The following ZNF221 variants were observed in gnomAD, a reference collection of about 807,000 sequenced individuals.
The protein encoded by ZNF221 is zinc finger protein 221.
In ZNF221, 10 loss-of-function variants were observed where a neutral mutation model predicts 12.6. The ratio of observed to expected loss-of-function variants is 0.79; its 90% confidence interval spans 0.49 to 1.34. ZNF221 has a LOEUF of 1.34. Among genes scored for constraint, ZNF221 ranks in the 40% most tolerant of loss-of-function variants. The pLI, the probability that ZNF221 is intolerant of heterozygous loss-of-function variation, is 0.00. For missense variants in ZNF221, 661 were observed against 721.4 expected, an observed-to-expected ratio of 0.92 and a Z score of 0.96; for synonymous variants, 232 against 244.0, an observed-to-expected ratio of 0.95 and a Z score of 0.46.
Position 43,966,841 on chromosome 19 carries a change from G to T in ZNF221, c.1339G>T (p.Glu447Ter). 1 of 1,614,224 alleles carries T rather than the reference G, an allele frequency of 6.2e-7. No homozygotes were observed. The change falls in exon 5 of 5, where the codon GAA (glutamate) becomes TAA (stop). Residue 447 changes from glutamate to a stop codon, truncating the protein, a stop_gained. Transcript: ENST00000587682. LOFTEE classifies it low-confidence loss of function (END_TRUNC). ...RSSHQRSHNG[E>*]KPYNCEECGK... Reference sequence around the variant, plus strand: ...TTCCCATCAGAGATCCCACAATGGAGAAAAGCCATATAACTGTGAGGAGTG... The same window carrying T: ...TTCCCATCAGAGATCCCACAATGGATAAAAGCCATATAACTGTGAGGAGTG...
Position 43,962,781 on chromosome 19 carries a change from G to T in ZNF221, c.55G>T (p.Val19Leu). The T allele has an allele frequency of 1.2e-6, 2 of 1,613,752 alleles. No homozygotes were observed. The highest frequency in any genetic ancestry group is 1.7e-6 in the Non-Finnish European group (2 of 1,179,838). Residue 19 changes from valine (V) to leucine (L), a missense_variant, in exon 2 of 5, where the codon GTA becomes TTA. Transcript: ENST00000587682. ...TTCAGGACTCTGCAAATTCCCTGAA[G>T]TAGAAGGAAAAATGACCACATTCAA... is the stretch of plus-strand genomic sequence containing the variant. ...LHSGLCKFPE[V>L]EGKMTTFKEA... is the part of the protein sequence containing the mutation.
intron 1 of ZNF221, among the ~76,000 whole-genome samples, chr19:43,958,395 G>T (rs1974791789): frequency 6.6e-6 from 1 of 152,172 alleles, no homozygotes; most frequent in Non-Finnish European, 1.5e-5. Context: ...CTTGCATGCG[G>T]TATATCAGCT....
In ZNF221 at chr19:43,966,834, C is replaced by T. The variant is rs752823919; in HGVS notation, c.1332C>T (p.His444=). The T allele has an allele frequency of 4.3e-6, 7 of 1,614,128 alleles. No homozygotes were observed. The highest frequency in any genetic ancestry group is 5.9e-6 in the Non-Finnish European group (7 of 1,180,020). Reference sequence around the variant, plus strand: ...GACGATCTTCCCATCAGAGATCCCACAATGGAGAAAAGCCATATAACTGTG... The same window carrying T: ...GACGATCTTCCCATCAGAGATCCCATAATGGAGAAAAGCCATATAACTGTG... The part of the protein sequence containing the change: ...NSRRSSHQRS[H]NGEKPYNCEE... Residue 444 remains histidine, a synonymous_variant, in exon 5 of 5, where the codon CAC becomes CAT. Coordinates refer to ENST00000587682, the MANE Select transcript of ZNF221 (RefSeq NM_001297588.2).
Position 43,957,348 on chromosome 19 carries a change from T to A in ZNF221, c.-2-5377T>A, listed in dbSNP as rs567375850. Among the ~76,000 whole-genome samples the A allele has an allele frequency of 1.1e-4, 17 of 152,206 alleles. No individual in the cohort carries two copies. In the East Asian group the frequency reaches 3.3e-3, roughly 29 times the overall value. Reference sequence around the variant, plus strand: ...GGCACACACCACCACACCTGGCTAATTTTTAGTAGAGACGGGGTTTTACCA... The same window carrying A: ...GGCACACACCACCACACCTGGCTAAATTTTAGTAGAGACGGGGTTTTACCA... On this transcript the variant is annotated intron_variant, in intron 1 of 4. Coordinates refer to ENST00000587682, the MANE Select transcript of ZNF221 (RefSeq NM_001297588.2).
rs528172885 is a variant in ZNF221 at position 43,960,650 on chromosome 19, T to C, written c.-2-2075T>C. 6.6e-4 allele frequency among the ~76,000 whole-genome samples: 101 copies of C among 152,266 alleles called. 1 individual carries two copies. Among genetic ancestry groups the C allele is most frequent in the Admixed American group, 1.6e-3 (25 of 15,304 alleles). Reference sequence around the variant, plus strand: ...CCCTGCCCTGAGCAGCCTCAAGACATTGTGCCCTGAATCCGGCCACTCTGG... The same window carrying C: ...CCCTGCCCTGAGCAGCCTCAAGACACTGTGCCCTGAATCCGGCCACTCTGG... On this transcript the variant is annotated intron_variant, in intron 1 of 4. Transcript: ENST00000587682.
At chr19:43,970,216 AAAC>A (rs1324653598), downstream of ZNF221, among the ~76,000 whole-genome samples, 1 of 146,502 alleles carries the variant, frequency 6.8e-6, no homozygotes, top group Non-Finnish European at 1.5e-5. Flanking sequence ...AACAGGCAGA[AAAC>A]AACAAGAACA....
intron 1 of ZNF221, among the ~76,000 whole-genome samples, chr19:43,954,112 G>A (rs1974717960): frequency 6.9e-6 from 1 of 144,416 alleles, no homozygotes; most frequent in Non-Finnish European, 1.5e-5. Context: ...AAAAGGATAT[G>A]CAACTCAAAA....
chr19:43,965,956 G>C lies in ZNF221; in HGVS notation c.454G>C (p.Val152Leu), dbSNP rs374666039. Residue 152 changes from valine to leucine, a missense_variant, in exon 5 of 5, where the codon GTC becomes CTC. Coordinates refer to ENST00000587682, the MANE Select transcript of ZNF221 (RefSeq NM_001297588.2). ...CTCTCAGTTCTTCAAAGAAGGTGAT[G>C]TCCCCTGCCAGATTGAGGCAAGACT... ...NSSQFFKEGDVPCQIEARLSI... is the reference protein window; with the variant it reads ...NSSQFFKEGDLPCQIEARLSI... 15 of 1,614,212 alleles carry C rather than the reference G, an allele frequency of 9.3e-6. No individual in the cohort carries two copies. In the Admixed American group the frequency reaches 2.5e-4, roughly 27 times the overall value.
intron 1 of ZNF221, among the ~76,000 whole-genome samples, chr19:43,952,225 G>A (rs943926257): frequency 4.6e-5 from 7 of 152,262 alleles, no homozygotes; most frequent in Non-Finnish European, 8.8e-5. Context: ...TTCCACAGAA[G>A]GAGGGGAGGG....
chr19:43,967,041 G>A lies in ZNF221; in HGVS notation c.1539G>A (p.Lys513=). The change falls in exon 5 of 5, where the codon AAG becomes AAA. Residue 513 remains lysine (K), a synonymous_variant. Transcript: ENST00000587682. ...CTTTCAAATGTGAAGAGTGTGGAAA[G>A]AGATTTACTCAGAGTTCACAACTTC... ...EKPFKCEECG[K]RFTQSSQLHS... is the part of the protein sequence containing the mutation. 1 of 1,597,950 alleles carries A rather than the reference G, an allele frequency of 6.3e-7. No individual in the cohort carries two copies. The highest frequency in any genetic ancestry group is 8.5e-7 in the Non-Finnish European group (1 of 1,169,674).
chr19:43,980,356 A>G, the ZNF221 span, among the ~76,000 whole-genome samples: 1 of 152,310 alleles, frequency 6.6e-6, no homozygotes, highest in South Asian at 2.1e-4. Context: ...ACAAATCCAC[A>G]ATTGCTTCAA....
chr19:43,964,670 T>C (rs558782275), intron 2 of ZNF221, among the ~76,000 whole-genome samples: 1 of 152,204 alleles, frequency 6.6e-6, no homozygotes, highest in Non-Finnish European at 1.5e-5. Flanking sequence ...GGAGGCAGCA[T>C]GTAGAGTCCT....
intron 1 of ZNF221, among the ~76,000 whole-genome samples, chr19:43,953,512 C>A (rs1974708115): frequency 6.6e-6 from 1 of 152,244 alleles, no homozygotes; most frequent in East Asian, 1.9e-4. Context: ...ATCAGCTTAA[C>A]CTTTAGCCCT....
chr19:43,954,083 CA>C (rs5828186), intron 1 of ZNF221, among the ~76,000 whole-genome samples: 31,470 of 85,230 alleles, frequency 0.37, 2,507 homozygotes, highest in Middle Eastern at 0.52. Flanking sequence ...GACTCCGTCT[CA>C]AAAAAAAAAA....
chr19:43,971,726 A>C (rs1733888455), downstream of ZNF221, among the ~76,000 whole-genome samples: 1 of 152,184 alleles, frequency 6.6e-6, no homozygotes, highest in African/African-American at 2.4e-5. Flanking sequence ...CTAAACATAT[A>C]TACGCACCCA....
At chr19:43,955,042 G>A (rs963452355) in intron 1 of ZNF221, among the ~76,000 whole-genome samples, 1 of 151,690 alleles carries the variant, frequency 6.6e-6, no homozygotes, top group Non-Finnish European at 1.5e-5. Context: ...ATTACTCTGA[G>A]GAGGATCGCT....
chr19:43,964,133 G>A (rs1249735798), intron 2 of ZNF221, among the ~76,000 whole-genome samples: 1 of 151,986 alleles, frequency 6.6e-6, no homozygotes, highest in Non-Finnish European at 1.5e-5. Context: ...GGAATACTTT[G>A]CAGATATGAA....
chr19:43,965,398 C>A, intron 4 of ZNF221, 73 bp downstream of exon 4: 1 of 1,355,996 alleles, frequency 7.4e-7, no homozygotes, highest in Non-Finnish European at 1.0e-6. Context: ...TGCCTATTTC[C>A]ATCACCCTGG....
At chr19:43,963,245 T>G (rs1974877928) in intron 2 of ZNF221, among the ~76,000 whole-genome samples, 1 of 152,210 alleles carries the variant, frequency 6.6e-6, no homozygotes, top group African/African-American at 2.4e-5. Flanking sequence ...TACTTCACAC[T>G]CATAGACATT....
Sources: allele counts gnomAD v4.1 joint callset (sites outside exome capture counted in the v4.1 genomes callset), GRCh38; gene constraint gnomAD v4.1.1; transcripts MANE v1.5; gene names NCBI Gene and HGNC (gene_info 2026-07-23, HGNC 2026-07-21).